Variants in CDH13 observed in about 807,000 individuals in gnomAD.
CDH13 encodes cadherin-13.
In CDH13, 24 loss-of-function variants were observed where a neutral mutation model predicts 63.8. The ratio of observed to expected loss-of-function variants is 0.38; its 90% CI spans 0.27 to 0.53. The LOEUF (loss-of-function observed/expected upper bound fraction) is 0.53. Ranked by LOEUF, CDH13 falls within the 20% of genes least tolerant of loss-of-function variation. The pLI is 0.85. For missense variants in CDH13, 1,049 were observed against 903.1 expected, an observed-to-expected ratio of 1.16 and a Z score of -2.07; for synonymous variants, 503 against 355.3, an observed-to-expected ratio of 1.42 and a Z score of -4.67.
At chr16:83,609,071 C>CTTGTGCACATTTTGAGGAATATCATCA (rs1247264694) in intron 8 of CDH13, among the ~76,000 whole-genome samples, 1 of 152,048 alleles carries the variant, frequency 6.6e-6, no homozygotes, top group Non-Finnish European at 1.5e-5. Flanking sequence ...TATTGGAAAA[C>CTTGTGCACATTTTGAGGAATATCATCA]TTGTGCACAT....
At chr16:83,472,340 C>G (rs1167866982) in intron 6 of CDH13, among the ~76,000 whole-genome samples, 1 of 152,176 alleles carries the variant, frequency 6.6e-6, no homozygotes, top group Non-Finnish European at 1.5e-5. Flanking sequence ...CCTGTGGTTG[C>G]AACAAATGAA....
chr16:83,217,206 A>T, intron 4 of CDH13, 139 bp from the exon 5 acceptor site: 2 of 734,026 alleles, frequency 2.7e-6, no homozygotes, highest in Non-Finnish European at 4.6e-6. Flanking sequence ...TGGTGCTGTT[A>T]CTTTAGTCAA....
intron 2 of CDH13, among the ~76,000 whole-genome samples, chr16:82,970,722 G>C (rs922846057): frequency 6.6e-6 from 1 of 152,046 alleles, no homozygotes; most frequent in African/African-American, 2.4e-5. Flanking sequence ...GTAAGGCAGA[G>C]CTCCTTGATC....
chr16:83,550,419 A>G (rs937334267), intron 7 of CDH13, among the ~76,000 whole-genome samples: 1 of 152,194 alleles, frequency 6.6e-6, no homozygotes, highest in Non-Finnish European at 1.5e-5. Flanking sequence ...TGTGGCATGG[A>G]GCCATCAGTG....
rs558393653 is a variant in CDH13, at chr16:82,970,382, C to CTT, written c.158-61601_158-61600dup. 1.5e-3 allele frequency among the ~76,000 whole-genome samples: 114 copies of CTT among 76,762 alleles called. 10 individuals carry two copies. The highest frequency in any genetic ancestry group is 2.3e-3 in the South Asian group (5 of 2,134). 50.4% of individuals were successfully genotyped at this position (76,762 alleles called of 152,430 possible). A position where few individuals can be genotyped will look rare whatever the true frequency, so the allele number is the denominator to read the frequency against. On this transcript the variant is annotated intron_variant, in intron 2 of 13. Transcript: ENST00000567109. ...TTTGCTATTGTGAACAGTGCATATT[C>CTT]TTTTTTTTTTTTTTTTTTTTTTTTT...
At chr16:83,592,621 C>G (rs1402914423) in intron 7 of CDH13, among the ~76,000 whole-genome samples, 3 of 152,252 alleles carry the variant, frequency 2.0e-5, no homozygotes, top group African/African-American at 7.2e-5. Flanking sequence ...AACCGCAAAT[C>G]TATCATTTAG....
intron 7 of CDH13, among the ~76,000 whole-genome samples, chr16:83,528,397 T>C (rs778346642): frequency 1.3e-5 from 2 of 152,156 alleles, no homozygotes; most frequent in Non-Finnish European, 2.9e-5. Context: ...GGGAAATCTC[T>C]TCCTCTGTTG....
intron 10 of CDH13, among the ~76,000 whole-genome samples, chr16:83,693,506 C>T (rs943837868): frequency 1.3e-5 from 2 of 152,198 alleles, no homozygotes; most frequent in Admixed American, 6.5e-5. Context: ...GGGTACCTCA[C>T]TGCTTAAATC....
chr16:83,417,491 T>C (rs1173467890), intron 6 of CDH13, among the ~76,000 whole-genome samples: 11 of 151,952 alleles, frequency 7.2e-5, no homozygotes, highest in Non-Finnish European at 1.5e-4. Flanking sequence ...GCTCTTGCCT[T>C]CTTGCCTTCT....
chr16:83,693,975 G>T (rs147052915), intron 10 of CDH13, among the ~76,000 whole-genome samples: 1 of 152,208 alleles, frequency 6.6e-6, no homozygotes, highest in African/African-American at 2.4e-5. Flanking sequence ...AAAAGAGGAC[G>T]TGACAATTCA....
At chr16:82,976,642 G>C (rs760459108) in intron 2 of CDH13, among the ~76,000 whole-genome samples, 9 of 152,326 alleles carry the variant, frequency 5.9e-5, no homozygotes, top group Admixed American at 1.3e-4. Context: ...CTTGCTTGCA[G>C]ATGTGCAAAT....
At chr16:82,882,665 T>A (rs771642295) in intron 2 of CDH13, among the ~76,000 whole-genome samples, 1 of 152,154 alleles carries the variant, frequency 6.6e-6, no homozygotes, top group Non-Finnish European at 1.5e-5. Flanking sequence ...GTTCTCCCTT[T>A]TTCCCTCTCT....
chr16:82,667,280 G>A (rs1197095013), intron 1 of CDH13, among the ~76,000 whole-genome samples: 2 of 152,232 alleles, frequency 1.3e-5, no homozygotes, highest in African/African-American at 4.8e-5. Context: ...CAATTCCAGA[G>A]AGTGAGAGTG....
At chr16:82,667,937 T>C (rs1353016172) in intron 1 of CDH13, among the ~76,000 whole-genome samples, 2 of 152,310 alleles carry the variant, frequency 1.3e-5, no homozygotes, top group East Asian at 3.9e-4. Flanking sequence ...GAAACACCTG[T>C]ATTTGTCACG....
intron 5 of CDH13, among the ~76,000 whole-genome samples, chr16:83,323,205 T>C (rs976889089): frequency 8.8e-5 from 13 of 147,946 alleles, no homozygotes; most frequent in Non-Finnish European, 1.6e-4. Context: ...TTTCTTTCTT[T>C]CTTTCTTTCT....
intron 5 of CDH13, among the ~76,000 whole-genome samples, chr16:83,316,761 T>C (rs575880072): frequency 2.4e-4 from 36 of 152,316 alleles, no homozygotes; most frequent in Admixed American, 2.2e-3. Context: ...ACAGCTAAGG[T>C]ATTAGTTGGG....
intron 1 of CDH13, among the ~76,000 whole-genome samples, chr16:82,856,649 C>T (rs1359416093): frequency 1.8e-5 from 2 of 113,916 alleles, no homozygotes; most frequent in African/African-American, 3.4e-5. Context: ...CTGCAGTGAG[C>T]CACAGTTGCA....
At chr16:82,931,727 G>A (rs183384453) in intron 2 of CDH13, among the ~76,000 whole-genome samples, 83 of 152,252 alleles carry the variant, frequency 5.5e-4, no homozygotes, top group Middle Eastern at 3.4e-3. Flanking sequence ...GAAAATGAGA[G>A]CCAAATGAAA....
intron 7 of CDH13, among the ~76,000 whole-genome samples, chr16:83,516,653 C>T (rs2074704653): frequency 6.6e-6 from 1 of 152,098 alleles, no homozygotes. Context: ...TTTATAAAGG[C>T]AATGATCAGA....
Sources: allele counts gnomAD v4.1 joint callset (sites outside exome capture counted in the v4.1 genomes callset), GRCh38; gene constraint gnomAD v4.1.1; transcripts MANE v1.5; gene names NCBI Gene and HGNC (gene_info 2026-07-23, HGNC 2026-07-21).